The following NAALADL2 variants were observed in gnomAD, a reference collection of about 807,000 sequenced individuals.
The protein encoded by NAALADL2 is inactive N-acetylated-alpha-linked acidic dipeptidase-like protein 2.
NAALADL2 carries 76 observed loss-of-function variants against 87.2 expected under a neutral mutation model. The ratio of observed to expected loss-of-function variants is 0.87; its 90% CI spans 0.72 to 1.05. NAALADL2 has a LOEUF of 1.05. NAALADL2 is among the 50% of genes least tolerant of loss of function. The pLI, the probability that NAALADL2 is intolerant of heterozygous loss-of-function variation, is 0.00. For missense variants in NAALADL2, 1,089 were observed against 945.8 expected (o/e 1.15, Z -1.99); for synonymous variants, 354 against 331.0 (o/e 1.07, Z -0.75).
At chr3:175,074,730 T>A (rs1211394451) in intron 1 of NAALADL2, among the ~76,000 whole-genome samples, 2 of 152,090 alleles carry the variant, frequency 1.3e-5, no homozygotes, top group Non-Finnish European at 2.9e-5. Context: ...AGGGTTTTTG[T>A]TATTTTTTTC....
chr3:174,595,143 A>G (rs996118283), intron 2 of NAALADL2, among the ~76,000 whole-genome samples: 1 of 152,154 alleles, frequency 6.6e-6, no homozygotes, highest in Admixed American at 6.5e-5. Flanking sequence ...CACTAAATGC[A>G]CAGTTGAGAA....
chr3:174,711,046 A>G (rs1159901766), intron 2 of NAALADL2, among the ~76,000 whole-genome samples: 1 of 152,144 alleles, frequency 6.6e-6, no homozygotes, highest in African/African-American at 2.4e-5. Flanking sequence ...TGCAATTTAT[A>G]AGAGTTCTGG....
At chr3:175,497,446 C>A (rs1728969402) in intron 9 of NAALADL2, among the ~76,000 whole-genome samples, 2 of 152,092 alleles carry the variant, frequency 1.3e-5, no homozygotes, top group African/African-American at 4.8e-5. Flanking sequence ...AAACCTCTAC[C>A]ACAATTTTTT....
intron 1 of NAALADL2, among the ~76,000 whole-genome samples, chr3:174,448,811 G>A (rs893364499): frequency 6.6e-5 from 10 of 152,176 alleles, no homozygotes; most frequent in African/African-American, 2.4e-4. Context: ...ATCATGATGA[G>A]TGAGAGGTCT....
intron 4 of NAALADL2, among the ~76,000 whole-genome samples, chr3:175,267,202 A>T: frequency 6.6e-6 from 1 of 152,014 alleles, no homozygotes; most frequent in East Asian, 1.9e-4. Flanking sequence ...AACATATATA[A>T]AAGTATTTTC....
chr3:175,533,286 C>T (rs1734347840), intron 9 of NAALADL2, among the ~76,000 whole-genome samples: 1 of 152,316 alleles, frequency 6.6e-6, no homozygotes, highest in Middle Eastern at 3.4e-3. Context: ...TCAAGTGTAG[C>T]ACATCTCCTC....
intron 5 of NAALADL2, among the ~76,000 whole-genome samples, chr3:175,436,208 C>T (rs1458612045): frequency 2.8e-5 from 4 of 142,068 alleles, no homozygotes; most frequent in African/African-American, 1.1e-4. Flanking sequence ...GCATAGTATT[C>T]CATGGTGTAT....
At chr3:175,374,771 T>G (rs921760613) in intron 5 of NAALADL2, among the ~76,000 whole-genome samples, 11 of 149,898 alleles carry the variant, frequency 7.3e-5, no homozygotes, top group African/African-American at 2.7e-4. Flanking sequence ...TATTCAGGAG[T>G]CTGGGGTGGG....
chr3:174,469,015 G>A (rs998584384), intron 1 of NAALADL2, among the ~76,000 whole-genome samples: 2 of 151,924 alleles, frequency 1.3e-5, no homozygotes, highest in East Asian at 3.9e-4. Context: ...CGCCCGCCCT[G>A]GCCTCCCAAA....
At chr3:175,617,372 G>C (rs765276501) in intron 10 of NAALADL2, among the ~76,000 whole-genome samples, 3 of 152,158 alleles carry the variant, frequency 2.0e-5, no homozygotes, top group Non-Finnish European at 4.4e-5. Flanking sequence ...CCATTTGAAA[G>C]ACTGGCTCTG....
intron 1 of NAALADL2, among the ~76,000 whole-genome samples, chr3:174,530,318 C>T (rs1721125195): frequency 6.6e-6 from 1 of 152,154 alleles, no homozygotes; most frequent in Non-Finnish European, 1.5e-5. Flanking sequence ...CTGAGAACAC[C>T]TTAGCCTGGA....
At chr3:175,474,792 G>T (rs1015808083) in intron 9 of NAALADL2, among the ~76,000 whole-genome samples, 2 of 152,016 alleles carry the variant, frequency 1.3e-5, no homozygotes, top group African/African-American at 4.8e-5. Context: ...TACTTTGAGT[G>T]CTCACCTTGT....
intron 3 of NAALADL2, among the ~76,000 whole-genome samples, chr3:174,738,231 T>C (rs1733399758): frequency 6.6e-6 from 1 of 152,222 alleles, no homozygotes; most frequent in African/African-American, 2.4e-5. Context: ...ATATATAGAC[T>C]GTGAACTTCT....
chr3:175,800,115 G>C (rs1374685556), intron 13 of NAALADL2, among the ~76,000 whole-genome samples: 1 of 152,126 alleles, frequency 6.6e-6, no homozygotes, highest in East Asian at 1.9e-4. Context: ...CATAGATTGT[G>C]CATTTCCCAG....
At chr3:175,165,779 CCT>C (rs1381694094) in intron 2 of NAALADL2, among the ~76,000 whole-genome samples, 2 of 151,992 alleles carry the variant, frequency 1.3e-5, no homozygotes, top group Admixed American at 6.6e-5. Flanking sequence ...TTCCTGGATC[CCT>C]CTCTCTGCCT....
At chr3:175,603,593 T>C (rs1405622762) in intron 10 of NAALADL2, among the ~76,000 whole-genome samples, 1 of 152,196 alleles carries the variant, frequency 6.6e-6, no homozygotes, top group African/African-American at 2.4e-5. Context: ...GATTTTCATA[T>C]TTCACTTAGG....
chr3:174,984,949 T>G (rs1393988213), intron 1 of NAALADL2, among the ~76,000 whole-genome samples: 6 of 152,184 alleles, frequency 3.9e-5, no homozygotes, highest in Non-Finnish European at 5.9e-5. Flanking sequence ...TTTAGATATG[T>G]GATTTAACTT....
At chr3:174,454,512 A>G (rs941410276) in intron 1 of NAALADL2, among the ~76,000 whole-genome samples, 3 of 152,178 alleles carry the variant, frequency 2.0e-5, no homozygotes, top group East Asian at 1.9e-4. Flanking sequence ...CAGCAAATGC[A>G]AAAGAATTGA....
chr3:175,189,583 G>A (rs1737841523), intron 2 of NAALADL2, among the ~76,000 whole-genome samples: 2 of 152,128 alleles, frequency 1.3e-5, no homozygotes, highest in South Asian at 2.1e-4. Context: ...CAAGTAAATT[G>A]AGAGATATTC....
Sources: allele counts gnomAD v4.1 joint callset (sites outside exome capture counted in the v4.1 genomes callset), GRCh38; gene constraint gnomAD v4.1.1; transcripts MANE v1.5; gene names NCBI Gene and HGNC (gene_info 2026-07-23, HGNC 2026-07-21).